Variants in FXYD2 observed in about 807,000 individuals in gnomAD.
The protein encoded by FXYD2 is sodium/potassium-transporting ATPase subunit gamma.
FXYD2 carries 8 observed loss-of-function variants against 11.8 expected under a neutral mutation model. The ratio of observed to expected loss-of-function variants is 0.68; its 90% CI spans 0.40 to 1.22. The LOEUF (loss-of-function observed/expected upper bound fraction) is 1.22, where lower values mean the gene tolerates loss of function less well. FXYD2 is among the 50% of genes most tolerant of loss of function. The probability of loss-of-function intolerance (pLI) is 0.01; values close to 1 mark genes in which losing one functional copy is unlikely to be tolerated. For synonymous variants in FXYD2, 42 were observed against 33.3 expected, an observed-to-expected ratio of 1.26 and a Z score of -0.90; for missense variants, 92 against 91.8, an observed-to-expected ratio of 1.00 and a Z score of -0.01.
At chr11:117,825,477 C>A (rs1325532516), upstream of FXYD2, among the ~76,000 whole-genome samples, 1 of 152,184 alleles carries the variant, frequency 6.6e-6, no homozygotes, top group Non-Finnish European at 1.5e-5. Flanking sequence ...AGACTTTCAT[C>A]GTGGGGAAAA....
chr11:117,822,702 C>G lies in FXYD2; in HGVS notation c.41G>C (p.Gly14Ala), dbSNP rs757085841. Residue 14 changes from glycine (G) to alanine (A), a missense_variant, in exon 2 of 6, where the codon GGG (glycine) becomes GCG (alanine). Gly to Ala is a moderately conservative substitution (Grantham distance 60, BLOSUM62 0). Transcript: ENST00000292079. This position sits in a 1 kb window ranked among gnomAD's most constrained non-coding sequence, Gnocchi z 4.7. ...ACCATAGTAGAACGGGTCCACGTCC[C>G]CCTTGGGGCTGCCGCCTAGGAGAGA... ...LSMDGGGSPK[G>A]DVDPFYYDYE... 2 of 1,610,454 alleles carry G rather than the reference C, an allele frequency of 1.2e-6. No homozygotes were observed. The highest frequency in any genetic ancestry group is 1.7e-6 in the Non-Finnish European group (2 of 1,179,200).
rs750026725 is a variant in FXYD2, at chr11:117,820,707, A to G, written c.177-11T>C. On this transcript the variant is annotated splice_polypyrimidine_tract_variant and intron_variant, in intron 4 of 5. Transcript: ENST00000292079. ...TCTTCATTGATTTGCCTGGTGGGGGAAGGAAAAGCAACAGGTGAGAGGGCA... is the reference window on the plus strand; with the variant it reads ...TCTTCATTGATTTGCCTGGTGGGGGGAGGAAAAGCAACAGGTGAGAGGGCA... 1.9e-6 allele frequency: 3 copies of G among 1,613,530 alleles called. No individual in the cohort carries two copies. The highest frequency in any genetic ancestry group is 2.5e-6 in the Non-Finnish European group (3 of 1,179,904).
chr11:117,821,888 C>T, intron 3 of FXYD2: 1 of 1,005,726 alleles, frequency 9.9e-7, no homozygotes, highest in South Asian at 4.3e-5. Flanking sequence ...TGGGTTGGAC[C>T]AAAACAAGTC....
In FXYD2 at chr11:117,820,343, G is replaced by T; in HGVS notation, c.*36C>A. On this transcript the variant is annotated 3_prime_UTR_variant, in exon 6 of 6. Transcript: ENST00000292079. Reference sequence around the variant, plus strand: ...AGGGCCATGCTTGGCTTCCCAGCTGGCCCCAGTGCAGTGGGTGGCACCGCC... The same window carrying T: ...AGGGCCATGCTTGGCTTCCCAGCTGTCCCCAGTGCAGTGGGTGGCACCGCC... 1 of 411,172 alleles carries T rather than the reference G, an allele frequency of 2.4e-6. No homozygotes were observed. Among genetic ancestry groups the T allele is most frequent in the Non-Finnish European group, 4.3e-6 (1 of 230,076 alleles). The allele number at this position is 411,172 out of a possible 1,614,324, so 25.5% of individuals were successfully genotyped here.
chr11:117,820,628 T>TGCCCTCCCCGCACCTTCCCCAG, intron 5 of FXYD2, 38 bp downstream of exon 5: 1 of 1,613,150 alleles, frequency 6.2e-7, no homozygotes, highest in East Asian at 2.2e-5. Flanking sequence ...AAGCCTGCCC[T>TGCCCTCCCCGCACCTTCCCCAG]GCCCTCCCCG....
At chr11:117,828,035 C>T, upstream of FXYD2, 3 of 1,550,724 alleles carry the variant, frequency 1.9e-6, no homozygotes, top group South Asian at 3.6e-5. Context: ...CTGGTTGTGT[C>T]CAGGAGTGCA....
chr11:117,821,936 G>T, intron 3 of FXYD2: 1 of 1,039,332 alleles, frequency 9.6e-7, no homozygotes, highest in Non-Finnish European at 1.2e-6. Flanking sequence ...GTGCCCCTCG[G>T]GGCTTGAGGA....
At chr11:117,826,889 C>T (rs539793547), upstream of FXYD2, among the ~76,000 whole-genome samples, 2 of 152,100 alleles carry the variant, frequency 1.3e-5, no homozygotes, top group East Asian at 3.9e-4. Context: ...ACTGTCTCCA[C>T]TTGCCTCTTC....
At position 117,822,400 on chromosome 11, in the gene FXYD2, A is replaced by C. The variant is rs1429912417; in HGVS notation, c.139+6T>G. 6.4e-7 allele frequency: 1 copy of C among 1,555,412 alleles called. No homozygotes were observed. The highest frequency in any genetic ancestry group is 8.7e-7 in the Non-Finnish European group (1 of 1,148,968). On this transcript the variant is annotated splice_donor_region_variant and intron_variant, in intron 3 of 5. Transcript: ENST00000292079. The surrounding 1 kb of genome is among the most constrained non-coding windows in gnomAD (Gnocchi z 4.7). ...GCACCCCTTCCCTGGAGGCCACCCCACTTACTGAGGAGGATGAGGAGCCCC... is the reference window on the plus strand; with the variant it reads ...GCACCCCTTCCCTGGAGGCCACCCCCCTTACTGAGGAGGATGAGGAGCCCC...
At chr11:117,827,518 G>A (rs971388789), upstream of FXYD2, among the ~76,000 whole-genome samples, 7 of 152,240 alleles carry the variant, frequency 4.6e-5, no homozygotes, top group Admixed American at 1.3e-4. Flanking sequence ...CAAAGTGCTG[G>A]AATTACAGGC....
chr11:117,823,461 G>A (rs2055961200), intron 1 of FXYD2, among the ~76,000 whole-genome samples: 1 of 152,356 alleles, frequency 6.6e-6, no homozygotes, highest in Middle Eastern at 3.4e-3. Flanking sequence ...GGAAGCAGGG[G>A]GCTGAGAATG....
intron 3 of FXYD2, chr11:117,821,706 A>G: frequency 1.0e-6 from 1 of 960,264 alleles, no homozygotes; most frequent in Non-Finnish European, 1.2e-6. Context: ...TGGCAGTGGC[A>G]CACGTAGAGA....
chr11:117,822,159 G>A lies in FXYD2; in HGVS notation c.139+247C>T. On this transcript the variant is annotated intron_variant, in intron 3 of 5. Transcript: ENST00000292079. The surrounding 1 kb of genome is among the most constrained non-coding windows in gnomAD (Gnocchi z 4.7). Reference sequence around the variant, plus strand: ...CTCCGGTTACCCAGTTACCCCGTGGGTTTGCTCTCACTTCTGCGGCTCCTC... The same window carrying A: ...CTCCGGTTACCCAGTTACCCCGTGGATTTGCTCTCACTTCTGCGGCTCCTC... 1 of 1,416,850 alleles carries A rather than the reference G, an allele frequency of 7.1e-7. No homozygotes were observed. Among genetic ancestry groups the A allele is most frequent in the Non-Finnish European group, 9.2e-7 (1 of 1,084,978 alleles). 87.8% of individuals were successfully genotyped at this position (1,416,850 alleles called of 1,614,324 possible).
chr11:117,825,219 C>A (rs1985658), upstream of FXYD2, among the ~76,000 whole-genome samples: 2,212 of 152,304 alleles, frequency 0.015, 45 homozygotes, highest in African/African-American at 0.049. Context: ...TCCCCCACCA[C>A]ATCCCTGGAG....
In FXYD2 at chr11:117,824,489, T is replaced by G; in HGVS notation, c.25+165A>C. ...GTTAAAGCAGGGTCCTCCTTTAAGT[T>G]GCAAATTTTCTTAGAGAGGAGGCCG... On this transcript the variant is annotated intron_variant, in intron 1 of 5. Coordinates refer to ENST00000292079, the MANE Select transcript of FXYD2 (RefSeq NM_001680.5). This position sits in a 1 kb window ranked among gnomAD's most constrained non-coding sequence, Gnocchi z 4.0. The G allele has an allele frequency of 1.4e-6, 1 of 691,924 alleles. No homozygotes were observed. Among genetic ancestry groups the G allele is most frequent in the Non-Finnish European group, 2.6e-6 (1 of 377,396 alleles). The allele number at this position is 691,924 out of a possible 1,614,324, so 42.9% of individuals were successfully genotyped here.
chr11:117,820,608 T>C, intron 5 of FXYD2, 58 bp downstream of exon 5: 1 of 1,607,480 alleles, frequency 6.2e-7, no homozygotes, highest in Non-Finnish European at 8.5e-7. Context: ...AATTCTTCCC[T>C]GTTGCTCCCA....
At chr11:117,821,170 C>A in intron 3 of FXYD2, 1 of 380,842 alleles carries the variant, frequency 2.6e-6, no homozygotes, top group Non-Finnish European at 4.1e-6. Flanking sequence ...AATCCTCCTG[C>A]CTCAGCCTCC....
chr11:117,820,499 A>T, intron 5 of FXYD2, 127 bp from the exon 6 acceptor site: 1 of 792,970 alleles, frequency 1.3e-6, no homozygotes, highest in Non-Finnish European at 2.0e-6. Flanking sequence ...ACTCCACGCC[A>T]GGCCCTTGGC....
chr11:117,821,032 A>C, intron 3 of FXYD2, 137 bp from the exon 4 acceptor site: 1 of 1,032,988 alleles, frequency 9.7e-7, no homozygotes, highest in Non-Finnish European at 1.5e-6. Context: ...GCCACGTTTG[A>C]CTGTCTCTAT....
Sources: gnomAD v4.1 joint callset for allele counts (sites outside exome capture counted in the v4.1 genomes callset) on GRCh38, gnomAD v4.1.1 for gene constraint, Gnocchi (gnomAD v3.1) non-coding constraint, MANE v1.5 for transcripts, NCBI Gene and HGNC (gene_info 2026-07-23, HGNC 2026-07-21) for gene names.